The following COL14A1 variants were observed in gnomAD, a reference collection of about 807,000 sequenced individuals.
COL14A1 encodes collagen type XIV alpha 1 chain.
In COL14A1, 136 loss-of-function variants were observed where a neutral mutation model predicts 230.3. The ratio of observed to expected loss-of-function variants is 0.59; its 90% confidence interval spans 0.51 to 0.68. The LOEUF is 0.68. Among genes scored for constraint, COL14A1 ranks in the 30% least tolerant of loss-of-function variants. The pLI, the probability that COL14A1 is intolerant of heterozygous loss-of-function variation, is 0.00. For synonymous variants in COL14A1, 792 were observed against 784.1 expected (o/e 1.01, Z -0.17); for missense variants, 1,976 against 2,215.8 (o/e 0.89, Z 2.17).
intron 45 of COL14A1, among the ~76,000 whole-genome samples, chr8:120,355,091 C>CTGGACAATCCAGTGAT (rs1212990977): frequency 2.6e-5 from 4 of 152,140 alleles, no homozygotes; most frequent in Non-Finnish European, 5.9e-5. Context: ...CAGTGCTTGA[C>CTGGACAATCCAGTGAT]TGGACAATCC....
chr8:120,127,146 A>G (rs954122787), intron 1 of COL14A1, among the ~76,000 whole-genome samples: 1 of 152,238 alleles, frequency 6.6e-6, no homozygotes, highest in African/African-American at 2.4e-5. Context: ...GACATTTCAT[A>G]TAAATGGAAG....
At chr8:120,281,140 G>A (rs1586828754) in intron 31 of COL14A1, 81 bp downstream of exon 31, 2 of 1,342,144 alleles carry the variant, frequency 1.5e-6, no homozygotes, top group East Asian at 2.3e-5. Flanking sequence ...TTGAAATATG[G>A]TGTAATAGTC....
At chr8:120,246,441 A>T (rs555778067) in intron 20 of COL14A1, among the ~76,000 whole-genome samples, 1 of 152,282 alleles carries the variant, frequency 6.6e-6, no homozygotes, top group Non-Finnish European at 1.5e-5. Context: ...TGGTCTATGC[A>T]TTGGAATTTC....
intron 25 of COL14A1, among the ~76,000 whole-genome samples, chr8:120,267,731 CAGTA>C (rs1180305363): frequency 6.6e-6 from 1 of 151,720 alleles, no homozygotes; most frequent in Non-Finnish European, 1.5e-5. Context: ...AAAAGAATGA[CAGTA>C]GAGTTATGGA....
chr8:120,185,895 T>G (rs1331068502), intron 5 of COL14A1, among the ~76,000 whole-genome samples: 3 of 152,056 alleles, frequency 2.0e-5, no homozygotes, highest in Admixed American at 6.6e-5. Context: ...GCCTCAGCCT[T>G]CTGAGTAGCT....
intron 5 of COL14A1, among the ~76,000 whole-genome samples, chr8:120,178,148 G>A (rs1586741248): frequency 6.6e-6 from 1 of 151,892 alleles, no homozygotes; most frequent in Admixed American, 6.6e-5. Context: ...GTTTTGTTAC[G>A]TAGGTATACA....
At position 120,280,916 on chromosome 8, in the gene COL14A1, T is replaced by A; in HGVS notation, c.3686-5T>A. 6.4e-7 allele frequency: 1 copy of A among 1,560,118 alleles called. No individual in the cohort carries two copies. ...ATTCTTTTTCTACTTTTTTTTTTTT[T>A]TTAGGATTTAAGATGATGGAAATGT... is the stretch of plus-strand genomic sequence containing the variant. On this transcript the variant is annotated splice_region_variant and splice_polypyrimidine_tract_variant and intron_variant, in intron 30 of 47. Transcript: ENST00000297848.
intron 33 of COL14A1, among the ~76,000 whole-genome samples, chr8:120,289,329 G>GA (rs1820300191): frequency 6.6e-6 from 1 of 152,146 alleles, no homozygotes; most frequent in Non-Finnish European, 1.5e-5. Context: ...TAATTTCAAA[G>GA]ATGCGATTGC....
intron 45 of COL14A1, among the ~76,000 whole-genome samples, chr8:120,346,734 C>A (rs1822527423): frequency 6.6e-6 from 1 of 152,140 alleles, no homozygotes; most frequent in South Asian, 2.1e-4. Context: ...ACCCAAATGT[C>A]TCCGCCCCCA....
At chr8:120,227,426 C>T in intron 17 of COL14A1, 74 bp downstream of exon 17, 1 of 1,566,074 alleles carries the variant, frequency 6.4e-7, no homozygotes, top group South Asian at 1.2e-5. Context: ...TTTCCTTCCC[C>T]ATCTGCTTTA....
intron 5 of COL14A1, among the ~76,000 whole-genome samples, chr8:120,174,460 A>T (rs1816209098): frequency 6.6e-6 from 1 of 152,238 alleles, no homozygotes; most frequent in Non-Finnish European, 1.5e-5. Flanking sequence ...GAAACAAATT[A>T]AAACTAAGAA....
At chr8:120,188,318 G>C (rs1816707996) in intron 5 of COL14A1, among the ~76,000 whole-genome samples, 1 of 152,064 alleles carries the variant, frequency 6.6e-6, no homozygotes, top group African/African-American at 2.4e-5. Context: ...CTGACCTCAG[G>C]TGATCCACCC....
At chr8:120,364,744 G>A (rs542133217) in intron 45 of COL14A1, among the ~76,000 whole-genome samples, 5 of 152,060 alleles carry the variant, frequency 3.3e-5, no homozygotes, top group Admixed American at 6.6e-5. Flanking sequence ...TTAGCCAAGC[G>A]TCGTGTCACA....
chr8:120,147,169 C>T (rs775382517), intron 1 of COL14A1, among the ~76,000 whole-genome samples: 14 of 151,514 alleles, frequency 9.2e-5, no homozygotes, highest in African/African-American at 1.5e-4. Context: ...TTCCATTTAT[C>T]GTCCTTTCTT....
chr8:120,220,942 G>C (rs1208420947), intron 14 of COL14A1, among the ~76,000 whole-genome samples: 2 of 152,232 alleles, frequency 1.3e-5, no homozygotes, highest in Admixed American at 6.5e-5. Context: ...CATGAGCCAG[G>C]CACTGTTCCG....
At chr8:120,129,815 A>G (rs1814469481) in intron 1 of COL14A1, among the ~76,000 whole-genome samples, 1 of 152,216 alleles carries the variant, frequency 6.6e-6, no homozygotes, top group Non-Finnish European at 1.5e-5. Flanking sequence ...CGAGCTGTAC[A>G]CACATTAGCC....
intron 18 of COL14A1, among the ~76,000 whole-genome samples, chr8:120,230,058 T>C (rs1388570568): frequency 1.3e-5 from 2 of 152,270 alleles, no homozygotes; most frequent in Admixed American, 1.3e-4. Context: ...TCGTTTTGAA[T>C]TTTAGTAGAG....
At chr8:120,243,806 A>G in intron 19 of COL14A1, 73 bp from the exon 20 acceptor site, 1 of 1,518,046 alleles carries the variant, frequency 6.6e-7, no homozygotes, top group Non-Finnish European at 9.0e-7. Flanking sequence ...CAAAATGCAT[A>G]AAGTTATGCT....
intron 2 of COL14A1, among the ~76,000 whole-genome samples, chr8:120,149,239 A>T (rs147120557): frequency 1.2e-3 from 188 of 152,340 alleles, no homozygotes; most frequent in Non-Finnish European, 2.1e-3. Flanking sequence ...AGGGTTGTAG[A>T]AAAGATCAAT....
Sources: gnomAD v4.1 joint callset for allele counts (sites outside exome capture counted in the v4.1 genomes callset) on GRCh38, gnomAD v4.1.1 for gene constraint, MANE v1.5 for transcripts, NCBI Gene and HGNC (gene_info 2026-07-23, HGNC 2026-07-21) for gene names.